Variants in TNIK observed in about 807,000 individuals in gnomAD.
TNIK encodes TRAF2 and NCK-interacting protein kinase.
In TNIK, 49 loss-of-function variants were observed where a neutral mutation model predicts 191.3. The ratio of observed to expected loss-of-function variants is 0.26; its 90% CI spans 0.20 to 0.32. TNIK has a LOEUF of 0.32. TNIK is among the 10% of genes least tolerant of loss of function. TNIK has a pLI of 1.00. For missense variants in TNIK, 1,155 were observed against 1,702.3 expected, an observed-to-expected ratio of 0.68 and a Z score of 5.66; for synonymous variants, 594 against 600.9, an observed-to-expected ratio of 0.99 and a Z score of 0.17.
intron 15 of TNIK, among the ~76,000 whole-genome samples, chr3:171,131,200 T>C (rs1343482889): frequency 6.7e-6 from 1 of 150,072 alleles, no homozygotes; most frequent in African/African-American, 2.4e-5. Context: ...TAGCCGGGCG[T>C]GGTAGCGGGC....
chr3:171,419,291 T>A (rs1723459030), intron 1 of TNIK, among the ~76,000 whole-genome samples: 1 of 152,168 alleles, frequency 6.6e-6, no homozygotes, highest in South Asian at 2.1e-4. Context: ...AGAGTAAATG[T>A]CCATAATGGG....
rs773407064 is a variant in TNIK, at chr3:171,140,395, G to A, written c.1332+4C>T. ...ATCAGTGGGGCTCCTGGTCCCAGCTGTACCTGTTCATGCTCCGCACGCCTC... is the reference window on the plus strand; with the variant it reads ...ATCAGTGGGGCTCCTGGTCCCAGCTATACCTGTTCATGCTCCGCACGCCTC... On this transcript the variant is annotated splice_donor_region_variant and intron_variant, in intron 13 of 32. Coordinates refer to ENST00000436636, the MANE Select transcript of TNIK (RefSeq NM_015028.4). 2 of 1,576,372 alleles carry A rather than the reference G, an allele frequency of 1.3e-6. No homozygotes were observed. The highest frequency in any genetic ancestry group is 2.4e-5 in the South Asian group (2 of 84,936).
At chr3:171,070,350 G>A (rs1403253243) in intron 29 of TNIK, among the ~76,000 whole-genome samples, 1 of 152,086 alleles carries the variant, frequency 6.6e-6, no homozygotes, top group African/African-American at 2.4e-5. Flanking sequence ...TGAGAATGTG[G>A]CAGAAAATAA....
At chr3:171,091,345 C>G (rs1430160153) in intron 23 of TNIK, among the ~76,000 whole-genome samples, 1 of 152,170 alleles carries the variant, frequency 6.6e-6, no homozygotes, top group East Asian at 1.9e-4. Flanking sequence ...CACCCAGCTT[C>G]CAACTAGGAT....
chr3:171,078,258 A>G (rs1358239811), intron 28 of TNIK, among the ~76,000 whole-genome samples: 1 of 151,976 alleles, frequency 6.6e-6, no homozygotes, highest in African/African-American at 2.4e-5. Flanking sequence ...TCTTTCTTCA[A>G]TACTTTCATT....
chr3:171,422,164 AT>A (rs1245922904), intron 1 of TNIK, among the ~76,000 whole-genome samples: 1 of 152,254 alleles, frequency 6.6e-6, no homozygotes, highest in Non-Finnish European at 1.5e-5. Flanking sequence ...ATTACAGAAC[AT>A]CCTGTAAAGT....
intron 2 of TNIK, among the ~76,000 whole-genome samples, chr3:171,311,810 T>G (rs1240996819): frequency 6.6e-6 from 1 of 152,076 alleles, no homozygotes; most frequent in Non-Finnish European, 1.5e-5. Context: ...ACAAAACCCA[T>G]CATTAATATT....
Position 171,059,610 on chromosome 3 carries a change from T to C in TNIK, c.*4271A>G, listed in dbSNP as rs764312318. 1.1e-4 allele frequency among the ~76,000 whole-genome samples: 17 copies of C among 152,278 alleles called. No individual in the cohort carries two copies. Among genetic ancestry groups the C allele is most frequent in the Non-Finnish European group, 2.5e-4 (17 of 68,010 alleles). ...GCTGGGACTCCTGAAAAGTGATCAA[T>C]TTTACACCCAATTTATTTAAGATCC... On this transcript the variant is annotated 3_prime_UTR_variant, in exon 33 of 33. Coordinates refer to ENST00000436636, the MANE Select transcript of TNIK (RefSeq NM_015028.4).
At chr3:171,260,550 TAC>T (rs1577279869) in intron 2 of TNIK, among the ~76,000 whole-genome samples, 2 of 152,206 alleles carry the variant, frequency 1.3e-5, no homozygotes. Context: ...GTGACTAGGG[TAC>T]AGAGGCTCCC....
intron 2 of TNIK, among the ~76,000 whole-genome samples, chr3:171,258,974 T>C (rs2109118085): frequency 1.3e-5 from 2 of 152,262 alleles, no homozygotes; most frequent in South Asian, 2.1e-4. Flanking sequence ...CCACTGAAAT[T>C]TGACTTCTCC....
chr3:171,460,156 C>A lies in TNIK; in HGVS notation c.-93G>T, dbSNP rs1483447470. On this transcript the variant is annotated 5_prime_UTR_variant, in exon 1 of 33. Transcript: ENST00000436636. The surrounding 1 kb of genome is among the most constrained non-coding windows in gnomAD (Gnocchi z 6.8). ...GGTCTATTTCACTCGCGTCCTCATG[C>A]GGGTGTCGCGCCAGAGGCCCCGGGC... 4.0e-6 allele frequency: 6 copies of A among 1,492,388 alleles called. No homozygotes were observed. The African/African-American group carries it at 5.6e-5, about 14-fold the overall frequency. 92.4% of individuals were successfully genotyped at this position (1,492,388 alleles called of 1,614,324 possible).
intron 18 of TNIK, among the ~76,000 whole-genome samples, chr3:171,122,314 T>C (rs971294776): frequency 6.6e-6 from 1 of 152,214 alleles, no homozygotes; most frequent in Non-Finnish European, 1.5e-5. Context: ...TTATCACTGC[T>C]TGAAGAGGGG....
chr3:171,240,069 G>A (rs556054777), intron 2 of TNIK, among the ~76,000 whole-genome samples: 1 of 152,278 alleles, frequency 6.6e-6, no homozygotes, highest in Non-Finnish European at 1.5e-5. Flanking sequence ...AAATTTAGCT[G>A]CGATCCAACT....
intron 4 of TNIK, among the ~76,000 whole-genome samples, chr3:171,202,203 A>G (rs974504879): frequency 6.6e-6 from 1 of 151,562 alleles, no homozygotes; most frequent in Admixed American, 6.6e-5. Context: ...AATTTTCTGC[A>G]TATATATATG....
intron 2 of TNIK, among the ~76,000 whole-genome samples, chr3:171,334,206 T>G (rs1194470832): frequency 6.6e-6 from 1 of 152,208 alleles, no homozygotes; most frequent in African/African-American, 2.4e-5. Flanking sequence ...AAGAATAATG[T>G]GAGATTTGGC....
At chr3:171,180,969 T>G (rs1736578987) in intron 7 of TNIK, among the ~76,000 whole-genome samples, 1 of 152,190 alleles carries the variant, frequency 6.6e-6, no homozygotes, top group South Asian at 2.1e-4. Context: ...TCGCCTCAAT[T>G]TCCCAATGGC....
At chr3:171,086,985 C>T (rs1482481925) in intron 24 of TNIK, among the ~76,000 whole-genome samples, 1 of 152,198 alleles carries the variant, frequency 6.6e-6, no homozygotes, top group Non-Finnish European at 1.5e-5. Context: ...ATATAAACCT[C>T]AACTGTTGGC....
chr3:171,246,177 C>T (rs1176829613), intron 2 of TNIK, among the ~76,000 whole-genome samples: 1 of 151,914 alleles, frequency 6.6e-6, no homozygotes. Context: ...CAAAGCCATT[C>T]TCAAGTCAAA....
intron 2 of TNIK, among the ~76,000 whole-genome samples, chr3:171,265,865 T>A (rs1748334538): frequency 6.6e-6 from 1 of 152,214 alleles, no homozygotes; most frequent in African/African-American, 2.4e-5. Context: ...TTTTTCCTTT[T>A]TAAAATCATG....
Sources: allele counts gnomAD v4.1 joint callset (sites outside exome capture counted in the v4.1 genomes callset), GRCh38; gene constraint gnomAD v4.1.1; non-coding constraint Gnocchi (gnomAD v3.1); transcripts MANE v1.5; gene names NCBI Gene and HGNC (gene_info 2026-07-23, HGNC 2026-07-21).